The following CDH13 variants were observed in gnomAD, a reference collection of about 807,000 sequenced individuals.
The protein encoded by CDH13 is cadherin 13.
CDH13 carries 24 observed loss-of-function variants against 63.8 expected under a neutral mutation model. The ratio of observed to expected loss-of-function variants is 0.38; its 90% CI spans 0.27 to 0.53. CDH13 has a LOEUF of 0.53. Ranked by LOEUF, CDH13 falls within the 20% of genes least tolerant of loss-of-function variation. The pLI, the probability that CDH13 is intolerant of heterozygous loss-of-function variation, is 0.85. For synonymous variants in CDH13, 503 were observed against 355.3 expected (o/e 1.42, Z -4.67); for missense variants, 1,049 against 903.1 (o/e 1.16, Z -2.07).
intron 1 of CDH13, among the ~76,000 whole-genome samples, chr16:82,640,298 C>T (rs1052426454): frequency 1.3e-5 from 2 of 152,180 alleles, no homozygotes; most frequent in African/African-American, 2.4e-5. Flanking sequence ...GTAATACATA[C>T]ATGGCATTTT....
At chr16:82,841,524 C>T (rs1257846733) in intron 1 of CDH13, among the ~76,000 whole-genome samples, 1 of 152,160 alleles carries the variant, frequency 6.6e-6, no homozygotes, top group Admixed American at 6.5e-5. Context: ...CCAGATAAAA[C>T]ATCAAAAGCA....
At chr16:82,716,191 C>T in intron 1 of CDH13, among the ~76,000 whole-genome samples, 1 of 152,160 alleles carries the variant, frequency 6.6e-6, no homozygotes, top group South Asian at 2.1e-4. Flanking sequence ...AAAGACTTCC[C>T]TCTTGGGTTC....
At chr16:83,031,401 C>CGTGT (rs1344759010) in intron 2 of CDH13, among the ~76,000 whole-genome samples, 89 of 142,666 alleles carry the variant, frequency 6.2e-4, no homozygotes, top group Non-Finnish European at 1.2e-3. Context: ...TATACATATA[C>CGTGT]ATGTATATGT....
intron 4 of CDH13, among the ~76,000 whole-genome samples, chr16:83,170,974 C>G (rs1373732615): frequency 6.6e-6 from 1 of 152,052 alleles, no homozygotes; most frequent in African/African-American, 2.4e-5. Context: ...ACCTCCCCAT[C>G]AGTCTTTTTA....
intron 7 of CDH13, among the ~76,000 whole-genome samples, chr16:83,514,315 A>G (rs899608200): frequency 1.3e-5 from 2 of 152,208 alleles, no homozygotes; most frequent in African/African-American, 4.8e-5. Flanking sequence ...GGATTAGGGT[A>G]GGCCCTACGT....
intron 4 of CDH13, among the ~76,000 whole-genome samples, chr16:83,194,948 A>C (rs935137810): frequency 6.6e-6 from 1 of 152,206 alleles, no homozygotes; most frequent in South Asian, 2.1e-4. Flanking sequence ...ACACCATGAA[A>C]TTTTAAAGCG....
At chr16:82,897,250 T>C (rs953727911) in intron 2 of CDH13, among the ~76,000 whole-genome samples, 2 of 152,208 alleles carry the variant, frequency 1.3e-5, no homozygotes, top group African/African-American at 2.4e-5. Flanking sequence ...TGGCAAGAAA[T>C]GTGGCCACAG....
chr16:83,218,928 C>T (rs1262464991), intron 5 of CDH13, among the ~76,000 whole-genome samples: 2 of 152,076 alleles, frequency 1.3e-5, no homozygotes, highest in African/African-American at 2.4e-5. Flanking sequence ...TGCTTTCTTG[C>T]CCACCGTGTA....
intron 6 of CDH13, among the ~76,000 whole-genome samples, chr16:83,445,271 T>A (rs1389687204): frequency 7.2e-6 from 1 of 138,906 alleles, no homozygotes; most frequent in Non-Finnish European, 1.7e-5. Flanking sequence ...TTATAAAAGC[T>A]TTTATAATTT....
At chr16:83,227,336 G>A (rs2039871277) in intron 5 of CDH13, among the ~76,000 whole-genome samples, 2 of 152,196 alleles carry the variant, frequency 1.3e-5, no homozygotes, top group South Asian at 4.1e-4. Context: ...AAGGGAGGAG[G>A]CAGCAGCAGT....
At chr16:83,684,348 T>C (rs1258402082) in intron 10 of CDH13, among the ~76,000 whole-genome samples, 2 of 151,776 alleles carry the variant, frequency 1.3e-5, no homozygotes, top group Non-Finnish European at 2.9e-5. Flanking sequence ...TGCACTCCAG[T>C]GTGAGCAATA....
chr16:82,893,648 C>T (rs2041154762), intron 2 of CDH13, among the ~76,000 whole-genome samples: 2 of 152,176 alleles, frequency 1.3e-5, no homozygotes, highest in Admixed American at 1.3e-4. Context: ...TCCCTGCTGC[C>T]TCTGAGCGAA....
intron 1 of CDH13, among the ~76,000 whole-genome samples, chr16:82,697,421 TTC>T (rs57703954): frequency 0.13 from 12,306 of 94,006 alleles, 1,720 homozygotes; most frequent in East Asian, 0.23. Flanking sequence ...CATTTCTTTT[TTC>T]TTTTTTTTTT....
intron 10 of CDH13, among the ~76,000 whole-genome samples, chr16:83,682,627 C>G (rs1384210311): frequency 3.3e-5 from 5 of 152,092 alleles, no homozygotes; most frequent in African/African-American, 1.2e-4. Flanking sequence ...CGGTCACTTC[C>G]TTAACTACCT....
intron 6 of CDH13, among the ~76,000 whole-genome samples, chr16:83,412,110 G>C (rs1397761825): frequency 6.6e-6 from 1 of 152,192 alleles, no homozygotes; most frequent in African/African-American, 2.4e-5. Flanking sequence ...GACCACTTAA[G>C]AACGTGCTGA....
At chr16:83,197,609 T>A (rs2038911538) in intron 4 of CDH13, among the ~76,000 whole-genome samples, 1 of 152,132 alleles carries the variant, frequency 6.6e-6, no homozygotes, top group Admixed American at 6.5e-5. Flanking sequence ...AATGTGTATC[T>A]GTGAGGGAAG....
intron 3 of CDH13, among the ~76,000 whole-genome samples, chr16:83,034,881 T>G (rs1916706242): frequency 1.3e-5 from 2 of 152,154 alleles, no homozygotes; most frequent in South Asian, 4.1e-4. Flanking sequence ...TGGCTGTTTC[T>G]CGCTTGCTGC....
chr16:82,931,272 A>G (rs1171843059), intron 2 of CDH13, among the ~76,000 whole-genome samples: 1 of 152,250 alleles, frequency 6.6e-6, no homozygotes, highest in African/African-American at 2.4e-5. Flanking sequence ...TCACTAGAAA[A>G]TAATACTTTT....
At chr16:82,807,441 A>G (rs73606804) in intron 1 of CDH13, among the ~76,000 whole-genome samples, 2,752 of 152,266 alleles carry the variant, frequency 0.018, 65 homozygotes, top group African/African-American at 0.061. Context: ...GGTTAGAACA[A>G]TAGAGGATTC....
Sources: gnomAD v4.1 joint callset for allele counts (sites outside exome capture counted in the v4.1 genomes callset) on GRCh38, gnomAD v4.1.1 for gene constraint, MANE v1.5 for transcripts, NCBI Gene and HGNC (gene_info 2026-07-23, HGNC 2026-07-21) for gene names.